Variants in PANK3 observed in about 807,000 individuals in gnomAD.
PANK3 encodes the protein hPanK3.
PANK3 carries 20 observed loss-of-function variants against 39.4 expected under a neutral mutation model. The observed-to-expected ratio is 0.51, with a 90% CI of 0.36 to 0.74. The LOEUF is 0.74. Ranked by LOEUF, PANK3 falls within the 30% of genes least tolerant of loss-of-function variation. The probability of loss-of-function intolerance (pLI) is 0.00; values close to 1 mark genes in which losing one functional copy is unlikely to be tolerated. For synonymous variants in PANK3, 140 were observed against 157.3 expected (o/e 0.89, Z 0.82); for missense variants, 265 against 437.0 (o/e 0.61, Z 3.51).
chr5:168,564,777 G>T (rs1005869606), intron 3 of PANK3, among the ~76,000 whole-genome samples: 2 of 152,070 alleles, frequency 1.3e-5, no homozygotes, highest in African/African-American at 4.8e-5. Context: ...TTTGGGAAAG[G>T]CTTCTTTACT....
intron 2 of PANK3, among the ~76,000 whole-genome samples, chr5:168,568,379 T>C (rs1582465595): frequency 1.3e-5 from 2 of 152,330 alleles, no homozygotes; most frequent in Non-Finnish European, 2.9e-5. Context: ...GCCAAATTCA[T>C]TAAAGTCCCC....
chr5:168,565,866 A>ATATATATATATAT (rs1554125716), intron 3 of PANK3, 147 bp downstream of exon 3: 1 of 141,746 alleles, frequency 7.1e-6, no homozygotes, highest in East Asian at 3.8e-4. Flanking sequence ...TTAAAAAAAA[A>ATATATATATATAT]AAATATATAT....
At position 168,569,005 on chromosome 5, in the gene PANK3, G is replaced by GT; in HGVS notation, c.29-8_29-7insA. On this transcript the variant is annotated splice_polypyrimidine_tract_variant and splice_region_variant and intron_variant, in intron 1 of 6. Coordinates refer to ENST00000239231, the MANE Select transcript of PANK3 (RefSeq NM_024594.4). The stretch of plus-strand genomic sequence containing the variant: ...ATGCCAAACCATGGGAAAGCTATGG[G>GT]AGGAAAAAAAAAAAAAAAAAAAAAA... 22 of 430,822 alleles carry GT rather than the reference G, an allele frequency of 5.1e-5. No homozygotes were observed. The highest frequency in any genetic ancestry group is 6.9e-5 in the Non-Finnish European group (22 of 317,694). 26.7% of individuals were successfully genotyped at this position (430,822 alleles called of 1,614,324 possible).
intron 3 of PANK3, 88 bp from the exon 4 acceptor site, chr5:168,564,153 T>C: frequency 1.7e-6 from 2 of 1,144,056 alleles, no homozygotes; most frequent in South Asian, 2.4e-5. Flanking sequence ...ATGTATTCAA[T>C]GAACACACAG....
chr5:168,570,023 T>A (rs559456374), intron 1 of PANK3, among the ~76,000 whole-genome samples: 2 of 151,696 alleles, frequency 1.3e-5, no homozygotes, highest in African/African-American at 2.4e-5. Flanking sequence ...ACACTGCAGA[T>A]TAGGTAACAG....
At position 168,559,112 on chromosome 5, in the gene PANK3, T is replaced by A; in HGVS notation, c.982A>T (p.Thr328Ser). ...TATGCCAAAAGTTTCATTGAGAGGG[T>A]ATTGACACGTAAAAAGTTTCCAACA... is the stretch of plus-strand genomic sequence containing the variant. ...VFVGNFLRVNTLSMKLLAYAL... is the reference protein window; with the variant it reads ...VFVGNFLRVNSLSMKLLAYAL... The change falls in exon 6 of 7, where the codon ACC (threonine) becomes TCC (serine). Residue 328 changes from threonine (T) to serine (S), a missense_variant. By Grantham distance (58) the Thr-to-Ser change is moderately conservative. This residue lies in a region of PANK3 where 110 missense variants were observed against 161.2 expected (regional missense o/e 0.68). Coordinates refer to ENST00000239231, the MANE Select transcript of PANK3 (RefSeq NM_024594.4). 6.3e-7 allele frequency: 1 copy of A among 1,594,654 alleles called. No individual in the cohort carries two copies. The highest frequency in any genetic ancestry group is 8.6e-7 in the Non-Finnish European group (1 of 1,166,626).
At chr5:168,577,440 C>G (rs986384776) in intron 1 of PANK3, among the ~76,000 whole-genome samples, 2 of 152,002 alleles carry the variant, frequency 1.3e-5, no homozygotes, top group African/African-American at 2.4e-5. Flanking sequence ...ATTTCTCAAC[C>G]TAATGTGTAT....
At chr5:168,572,280 A>G (rs569236945) in intron 1 of PANK3, among the ~76,000 whole-genome samples, 3 of 151,754 alleles carry the variant, frequency 2.0e-5, no homozygotes, top group African/African-American at 7.3e-5. Flanking sequence ...CGACCAACTA[A>G]TTTTTTTATT....
At chr5:168,560,424 C>T (rs534904544) in intron 5 of PANK3, among the ~76,000 whole-genome samples, 1 of 152,216 alleles carries the variant, frequency 6.6e-6, no homozygotes, top group East Asian at 1.9e-4. Flanking sequence ...GCAATTTGTC[C>T]TCTACCACTC....
chr5:168,579,127 T>G, intron 1 of PANK3, 129 bp downstream of exon 1: 1 of 769,592 alleles, frequency 1.3e-6, no homozygotes. Flanking sequence ...AAATGGTCCC[T>G]CCGCCCCCAT....
In PANK3 at chr5:168,565,867, A is replaced by AT. The variant is rs1227604574; in HGVS notation, c.635+145_635+146insA. 619 of 176,258 alleles carry AT rather than the reference A, an allele frequency of 3.5e-3. 7 individuals are homozygous for AT. The highest frequency in any genetic ancestry group is 8.2e-3 in the East Asian group (37 of 4,524). The allele number at this position is 176,258 out of a possible 1,614,324, so 10.9% of individuals were successfully genotyped here. On this transcript the variant is annotated intron_variant, in intron 3 of 6. Coordinates refer to ENST00000239231, the MANE Select transcript of PANK3 (RefSeq NM_024594.4). ...GCACCCTCTTTCACTTAAAAAAAAA[A>AT]AATATATATATATATATATTTTTTT...
intron 4 of PANK3, among the ~76,000 whole-genome samples, chr5:168,562,458 T>C (rs929957191): frequency 2.0e-5 from 3 of 152,126 alleles, no homozygotes; most frequent in Admixed American, 1.3e-4. Flanking sequence ...GAAGCGTCTA[T>C]GCAAGGGAGA....
Position 168,548,947 on chromosome 5 carries a change from G to A in PANK3, c.*8624C>T, listed in dbSNP as rs1026084745. 2 of 152,184 alleles carry A rather than the reference G, an allele frequency of 1.3e-5. No homozygotes were observed. Among genetic ancestry groups the A allele is most frequent in the Admixed American group, 1.3e-4 (2 of 15,284 alleles). 9.4% of individuals were successfully genotyped at this position (152,184 alleles called of 1,614,324 possible). A position where few individuals can be genotyped will look rare whatever the true frequency, so the allele number is the denominator to read the frequency against. On this transcript the variant is annotated 3_prime_UTR_variant, in exon 7 of 7. Coordinates refer to ENST00000239231, the MANE Select transcript of PANK3 (RefSeq NM_024594.4). ...AATGATGTAATAGAATGAGGCAACTGAAACTGAAATGGCATGTGTAAGTAA... is the reference window on the plus strand; with the variant it reads ...AATGATGTAATAGAATGAGGCAACTAAAACTGAAATGGCATGTGTAAGTAA...
Position 168,566,266 on chromosome 5 carries a change from T to C in PANK3, c.382A>G (p.Ile128Val), listed in dbSNP as rs1161859683. Residue 128 changes from isoleucine to valine, a missense_variant and splice_region_variant, in exon 3 of 7, where the codon ATT (isoleucine) becomes GTT (valine). Physicochemically the swap from Ile to Val is conservative, Grantham distance 29. This residue lies in a region of PANK3 where 154 missense variants were observed against 256.8 expected (regional missense o/e 0.60). Transcript: ENST00000239231. ...AYKFEKDFRT[I>V]GNLHLHKLDE... is the part of the protein sequence containing the mutation. ...AGTTTGTGCAGGTGGAGGTTTCCAATCTGTTAAAACAAACAAACAAAAACA... is the reference window on the plus strand; with the variant it reads ...AGTTTGTGCAGGTGGAGGTTTCCAACCTGTTAAAACAAACAAACAAAAACA... The C allele has an allele frequency of 3.8e-6, 6 of 1,589,362 alleles. No homozygotes were observed. The highest frequency in any genetic ancestry group is 5.2e-6 in the Non-Finnish European group (6 of 1,161,780).
chr5:168,552,664 ACTCATCCTTTAAT>A lies in PANK3; in HGVS notation c.*4894_*4906del, dbSNP rs1759291312. On this transcript the variant is annotated 3_prime_UTR_variant, in exon 7 of 7. Coordinates refer to ENST00000239231, the MANE Select transcript of PANK3 (RefSeq NM_024594.4). The stretch of plus-strand genomic sequence containing the variant: ...CTACAGACAAAGCTCATCCCACCAT[ACTCATCCTTTAAT>A]AACAAAGAAACAATCATGAGGACAG... 1.4e-5 allele frequency: 3 copies of A among 218,152 alleles called. No homozygotes were observed. The South Asian group carries it at 2.9e-4, about 21-fold the overall frequency. The allele number at this position is 218,152 out of a possible 1,614,324, so 13.5% of individuals were successfully genotyped here.
At chr5:168,559,895 GATTCATCAAATC>G (rs1759415974) in intron 5 of PANK3, among the ~76,000 whole-genome samples, 2 of 152,130 alleles carry the variant, frequency 1.3e-5, no homozygotes, top group Admixed American at 6.5e-5. Context: ...TCCCCTGCCT[GATTCATCAAATC>G]ATTCTCTCTC....
At chr5:168,561,318 A>G in intron 5 of PANK3, 75 bp downstream of exon 5, 7 of 1,327,886 alleles carry the variant, frequency 5.3e-6, no homozygotes, top group Non-Finnish European at 7.0e-6. Context: ...GAAAGTGAAG[A>G]AGCCCTGCTA....
chr5:168,566,669 A>G (rs1759540763), intron 2 of PANK3, among the ~76,000 whole-genome samples: 1 of 152,150 alleles, frequency 6.6e-6, no homozygotes, highest in Non-Finnish European at 1.5e-5. Context: ...AGAATAACAA[A>G]GTTATTTTAC....
intron 1 of PANK3, among the ~76,000 whole-genome samples, chr5:168,572,110 C>CTTTTTTTTTTTT (rs34970571): frequency 9.9e-6 from 1 of 101,302 alleles, no homozygotes; most frequent in Admixed American, 1.2e-4. Context: ...CAACATAGGC[C>CTTTTTTTTTTTT]TTTTTTTTTT....
Sources: gnomAD v4.1 joint callset for allele counts (sites outside exome capture counted in the v4.1 genomes callset) on GRCh38, gnomAD v4.1.1 for gene constraint, gnomAD v4.1.1 regional missense constraint, MANE v1.5 for transcripts, NCBI Gene and HGNC (gene_info 2026-07-23, HGNC 2026-07-21) for gene names.